Variants in CNOT4 observed in about 807,000 individuals in gnomAD.
CNOT4 encodes CCR4-NOT transcription complex subunit 4.
A neutral mutation model predicts 73.8 loss-of-function variants in CNOT4; 8 were observed. That is an observed-to-expected ratio of 0.11 (90% CI 0.06 to 0.20). CNOT4 has a LOEUF of 0.20. CNOT4 is among the 10% of genes least tolerant of loss of function. CNOT4 has a pLI of 1.00. For synonymous variants in CNOT4, 293 were observed against 321.1 expected, an observed-to-expected ratio of 0.91 and a Z score of 0.94; for missense variants, 564 against 883.4, an observed-to-expected ratio of 0.64 and a Z score of 4.58.
intron 10 of CNOT4, among the ~76,000 whole-genome samples, chr7:135,378,735 C>T (rs1795664820): frequency 6.6e-6 from 1 of 151,938 alleles, no homozygotes; most frequent in Non-Finnish European, 1.5e-5. Flanking sequence ...CCTGTAATCC[C>T]AGCACTTTTG....
intron 10 of CNOT4, among the ~76,000 whole-genome samples, chr7:135,382,116 C>T (rs1795876505): frequency 6.6e-6 from 1 of 152,190 alleles, no homozygotes; most frequent in Non-Finnish European, 1.5e-5. Context: ...CTGGGTACTT[C>T]AGTCCATTTC....
chr7:135,482,870 C>T (rs1281551543), intron 1 of CNOT4, among the ~76,000 whole-genome samples: 1 of 151,260 alleles, frequency 6.6e-6, no homozygotes, highest in Non-Finnish European at 1.5e-5. Context: ...CCTGTAATCC[C>T]AGCTACTCAG....
At chr7:135,386,503 T>TA (rs1563017893) in intron 10 of CNOT4, 1 of 152,202 alleles carries the variant, frequency 6.6e-6, no homozygotes, top group African/African-American at 2.4e-5. Flanking sequence ...TAGTGGCTTC[T>TA]TTTATGTGTT....
At chr7:135,411,548 T>C (rs1266540229) in intron 6 of CNOT4, among the ~76,000 whole-genome samples, 2 of 151,980 alleles carry the variant, frequency 1.3e-5, no homozygotes, top group African/African-American at 4.8e-5. Context: ...GTCACAAATA[T>C]TATGGGAAAA....
At chr7:135,470,281 AC>A (rs1173010552) in intron 1 of CNOT4, among the ~76,000 whole-genome samples, 2 of 150,978 alleles carry the variant, frequency 1.3e-5, no homozygotes, top group African/African-American at 4.9e-5. Flanking sequence ...CGGGCACATA[AC>A]CCCATGCCCC....
chr7:135,362,854 C>G lies in CNOT4; in HGVS notation c.*31G>C. ...AGGGAGAAAACAGAGTGGGACAAATCCTGCATTTTCTAATGGTTGCTCCTC... is the reference window on the plus strand; with the variant it reads ...AGGGAGAAAACAGAGTGGGACAAATGCTGCATTTTCTAATGGTTGCTCCTC... On this transcript the variant is annotated 3_prime_UTR_variant, in exon 12 of 12. Transcript: ENST00000541284. 1 of 1,588,796 alleles carries G rather than the reference C, an allele frequency of 6.3e-7. No homozygotes were observed. The highest frequency in any genetic ancestry group is 1.3e-5 in the African/African-American group (1 of 74,348).
At chr7:135,389,114 A>G (rs2129483188) in intron 10 of CNOT4, among the ~76,000 whole-genome samples, 1 of 149,746 alleles carries the variant, frequency 6.7e-6, no homozygotes, top group East Asian at 2.0e-4. Flanking sequence ...ATTGTTTCAG[A>G]GATAAGAACA....
chr7:135,463,208 T>C (rs1288763415), intron 1 of CNOT4, among the ~76,000 whole-genome samples: 1 of 152,110 alleles, frequency 6.6e-6, no homozygotes, highest in Non-Finnish European at 1.5e-5. Context: ...TAACTGAAGA[T>C]GGATTAAAGA....
At position 135,458,337 on chromosome 7, in the gene CNOT4, A is replaced by G. The variant is rs1034900917; in HGVS notation, c.-92-19914T>C. On this transcript the variant is annotated intron_variant, in intron 1 of 11. Transcript: ENST00000541284. The stretch of plus-strand genomic sequence containing the variant: ...GATAAGATCATCTGAGCCTTCAGAC[A>G]GTCACAGTCTTTTTGCTGGTGGAGG... 5.8e-4 allele frequency among the ~76,000 whole-genome samples: 88 copies of G among 152,276 alleles called. 1 individual carries two copies. The highest frequency in any genetic ancestry group is 1.9e-3 in the African/African-American group (81 of 41,578).
At chr7:135,427,756 A>G (rs973536793) in intron 2 of CNOT4, among the ~76,000 whole-genome samples, 3 of 151,900 alleles carry the variant, frequency 2.0e-5, no homozygotes, top group Non-Finnish European at 4.4e-5. Context: ...AAAATACAAC[A>G]TAAAAATTTT....
chr7:135,438,098 T>C (rs193295943), intron 2 of CNOT4, 60 bp downstream of exon 2: 3 of 891,156 alleles, frequency 3.4e-6, no homozygotes, highest in Middle Eastern at 2.4e-4. Context: ...CTCATATACA[T>C]GGCAGCAAAA....
At chr7:135,450,373 C>T (rs1276169342) in intron 1 of CNOT4, among the ~76,000 whole-genome samples, 1 of 152,038 alleles carries the variant, frequency 6.6e-6, no homozygotes, top group Non-Finnish European at 1.5e-5. Context: ...GGCTGGAGTG[C>T]AGTGGCGTGA....
At chr7:135,393,037 A>C (rs767090008) in intron 10 of CNOT4, among the ~76,000 whole-genome samples, 5 of 152,202 alleles carry the variant, frequency 3.3e-5, no homozygotes, top group Non-Finnish European at 5.9e-5. Flanking sequence ...TCTACTTGAG[A>C]GAATCATGAT....
intron 7 of CNOT4, among the ~76,000 whole-genome samples, chr7:135,408,157 C>T (rs1192799239): frequency 6.6e-6 from 1 of 152,084 alleles, no homozygotes; most frequent in Non-Finnish European, 1.5e-5. Context: ...AAGCTATAAC[C>T]ATTTATATGT....
At chr7:135,491,121 G>A (rs955490306) in intron 1 of CNOT4, among the ~76,000 whole-genome samples, 2 of 152,218 alleles carry the variant, frequency 1.3e-5, no homozygotes, top group Non-Finnish European at 2.9e-5. Flanking sequence ...AGGTTTGGGA[G>A]GGAAAAGCAA....
At chr7:135,477,330 G>A (rs932296133) in intron 1 of CNOT4, among the ~76,000 whole-genome samples, 1 of 149,288 alleles carries the variant, frequency 6.7e-6, no homozygotes, top group East Asian at 2.0e-4. Context: ...GTGACCGAGT[G>A]AGACTCTTGT....
chr7:135,406,933 G>A (rs1298426399), intron 7 of CNOT4, among the ~76,000 whole-genome samples: 1 of 152,182 alleles, frequency 6.6e-6, no homozygotes, highest in African/African-American at 2.4e-5. Flanking sequence ...TTGAATGTAT[G>A]TCCCCACCAA....
At chr7:135,433,756 T>A (rs1372718951) in intron 2 of CNOT4, among the ~76,000 whole-genome samples, 2 of 152,228 alleles carry the variant, frequency 1.3e-5, no homozygotes, top group African/African-American at 4.8e-5. Context: ...TTGTATAGTC[T>A]CTGGTTTCCA....
intron 2 of CNOT4, among the ~76,000 whole-genome samples, chr7:135,426,036 C>A (rs1798475925): frequency 6.6e-6 from 1 of 151,520 alleles, no homozygotes; most frequent in South Asian, 2.1e-4. Flanking sequence ...CACAGTGAGA[C>A]CCCCATCTCT....
Sources: allele counts gnomAD v4.1 joint callset (sites outside exome capture counted in the v4.1 genomes callset), GRCh38; gene constraint gnomAD v4.1.1; transcripts MANE v1.5; gene names NCBI Gene and HGNC (gene_info 2026-07-23, HGNC 2026-07-21).